DPY19L1: variants seen among roughly 807,000 people sequenced by gnomAD.
DPY19L1 encodes protein C-mannosyl-transferase DPY19L1.
DPY19L1 carries 35 observed loss-of-function variants against 96.9 expected under a neutral mutation model. The ratio of observed to expected loss-of-function variants is 0.36; its 90% CI spans 0.28 to 0.48. The LOEUF is 0.48. Ranked by LOEUF, DPY19L1 falls within the 20% of genes least tolerant of loss-of-function variation. DPY19L1 has a pLI of 0.99. For missense variants in DPY19L1, 521 were observed against 777.9 expected (o/e 0.67, Z 3.93); for synonymous variants, 205 against 252.6 (o/e 0.81, Z 1.79).
In DPY19L1 at chr7:34,961,096, T is replaced by C. The variant is rs1186929814; in HGVS notation, c.1093-3026A>G. Among the ~76,000 whole-genome samples, 5 of 152,186 alleles carry C rather than the reference T, an allele frequency of 3.3e-5. No homozygotes were observed. The South Asian group carries it at 1.0e-3, about 31-fold the overall frequency. ...TGAAGGGATGTCAGTTCTTCCCAACTTGATTCAGCACAATCCCAATAATGA... is the reference window on the plus strand; with the variant it reads ...TGAAGGGATGTCAGTTCTTCCCAACCTGATTCAGCACAATCCCAATAATGA... On this transcript the variant is annotated intron_variant, in intron 10 of 21. Transcript: ENST00000638088.
chr7:34,947,488 A>G (rs1032681166), intron 15 of DPY19L1, 142 bp downstream of exon 15: 11 of 620,876 alleles, frequency 1.8e-5, no homozygotes, highest in African/African-American at 1.2e-4. Flanking sequence ...ATCAAAAGCT[A>G]TCATTAAGAA....
intron 11 of DPY19L1, among the ~76,000 whole-genome samples, chr7:34,957,107 G>A (rs367880938): frequency 1.3e-5 from 2 of 151,574 alleles, no homozygotes; most frequent in East Asian, 3.9e-4. Flanking sequence ...TGCCAGCCGG[G>A]CATGGTGGCT....
chr7:34,978,768 A>G (rs1784879873), intron 7 of DPY19L1, among the ~76,000 whole-genome samples: 1 of 152,104 alleles, frequency 6.6e-6, no homozygotes, highest in South Asian at 2.1e-4. Context: ...GAATATTTGC[A>G]TTTTAATTAC....
rs184774198 is a variant in DPY19L1 at position 34,956,568 on chromosome 7, G to A, written c.1180-1201C>T. ...GTTGCCCATGCTGGAGTGTAGTGGC[G>A]CGATCTCAGCTCACTGCAAGCTCCG... On this transcript the variant is annotated intron_variant, in intron 11 of 21. Coordinates refer to ENST00000638088, the MANE Select transcript of DPY19L1 (RefSeq NM_001366673.1). Among the ~76,000 whole-genome samples, 158 of 151,118 alleles carry A rather than the reference G, an allele frequency of 1.0e-3. 2 individuals are homozygous for A. The East Asian group carries it at 0.025, about 24-fold the overall frequency.
At chr7:34,936,179 T>C (rs1313773551) in intron 21 of DPY19L1, among the ~76,000 whole-genome samples, 1 of 152,236 alleles carries the variant, frequency 6.6e-6, no homozygotes, top group Non-Finnish European at 1.5e-5. Flanking sequence ...GTCTGCTGAT[T>C]TTGTTTAGTG....
In DPY19L1 at chr7:34,945,681, T is replaced by C. The variant is rs761207329; in HGVS notation, c.1530A>G (p.Gln510=). 9 of 1,601,004 alleles carry C rather than the reference T, an allele frequency of 5.6e-6. No individual in the cohort carries two copies. Among genetic ancestry groups the C allele is most frequent in the South Asian group, 2.2e-5 (2 of 89,316 alleles). Residue 510 remains glutamine (Q), a synonymous_variant, in exon 16 of 22, where the codon CAA becomes CAG. Transcript: ENST00000638088. ...AGCATATTTACCTTACATGTGTCTG[T>C]TGTTTAGCTAAGACACCCCACATAT... is the stretch of plus-strand genomic sequence containing the variant. ...ISDMWGVLAK[Q]QTHVRKHQFD...
intron 1 of DPY19L1, among the ~76,000 whole-genome samples, chr7:35,036,777 C>T (rs1584269392): frequency 6.6e-6 from 1 of 152,124 alleles, no homozygotes. Flanking sequence ...CAATCAGCAG[C>T]GCTCAAGTCT....
chr7:35,020,736 T>C (rs1333314307), intron 1 of DPY19L1, among the ~76,000 whole-genome samples: 1 of 152,168 alleles, frequency 6.6e-6, no homozygotes, highest in Non-Finnish European at 1.5e-5. Flanking sequence ...TTTTGAGGAG[T>C]CTTGCTCTGT....
chr7:35,024,168 C>T (rs912524365), intron 1 of DPY19L1, among the ~76,000 whole-genome samples: 4 of 152,194 alleles, frequency 2.6e-5, no homozygotes, highest in East Asian at 1.9e-4. Context: ...AAATGATACA[C>T]ATTATCATGT....
rs752834671 is a variant in DPY19L1 at position 34,945,731 on chromosome 7, T to C, written c.1495-15A>G. 3.2e-6 allele frequency: 5 copies of C among 1,569,322 alleles called. No homozygotes were observed. In the African/African-American group the frequency reaches 4.1e-5, roughly 13 times the overall value. On this transcript the variant is annotated splice_polypyrimidine_tract_variant and intron_variant, in intron 15 of 21. Coordinates refer to ENST00000638088, the MANE Select transcript of DPY19L1 (RefSeq NM_001366673.1). ...TCACTAATAATCTGTAAATAGATTTTGAAACACTTTAGAAAAGCTGTGTTG... is the reference window on the plus strand; with the variant it reads ...TCACTAATAATCTGTAAATAGATTTCGAAACACTTTAGAAAAGCTGTGTTG...
intron 10 of DPY19L1, among the ~76,000 whole-genome samples, chr7:34,964,419 G>C (rs1377656671): frequency 1.3e-5 from 2 of 152,008 alleles, no homozygotes; most frequent in African/African-American, 4.8e-5. Context: ...TAAATAGTTT[G>C]GGGAAAAAAT....
chr7:34,954,394 G>A (rs1375079148), intron 13 of DPY19L1, among the ~76,000 whole-genome samples: 1 of 152,030 alleles, frequency 6.6e-6, no homozygotes, highest in Non-Finnish European at 1.5e-5. Context: ...CAGTTACAAA[G>A]AAGCTAGAGA....
chr7:34,953,264 C>T (rs988750140), intron 13 of DPY19L1, among the ~76,000 whole-genome samples: 2 of 152,152 alleles, frequency 1.3e-5, no homozygotes, highest in African/African-American at 4.8e-5. Context: ...AAAGTTACAA[C>T]TAAGTTATTT....
Position 34,986,162 on chromosome 7 carries a change from G to A in DPY19L1, c.822+3722C>T, listed in dbSNP as rs576731839. Among the ~76,000 whole-genome samples, 9 of 152,122 alleles carry A rather than the reference G, an allele frequency of 5.9e-5. No individual in the cohort carries two copies. The South Asian group carries it at 1.9e-3, about 32-fold the overall frequency. On this transcript the variant is annotated intron_variant, in intron 7 of 21. Coordinates refer to ENST00000638088, the MANE Select transcript of DPY19L1 (RefSeq NM_001366673.1). Reference sequence around the variant, plus strand: ...GTTACCAGAGGCTCAGGGGAGAGATGGGTAATGTGCAGATGTTGATCCACA... The same window carrying A: ...GTTACCAGAGGCTCAGGGGAGAGATAGGTAATGTGCAGATGTTGATCCACA...
rs187156378 is a variant in DPY19L1 at position 35,020,897 on chromosome 7, T to G, written c.299-2301A>C. On this transcript the variant is annotated intron_variant, in intron 1 of 21. Transcript: ENST00000638088. ...CTAATTTTTGTATTTTCAGGAGAGA[T>G]AAGGTTTGGTCATGTTGGCCAGGCT... 3.9e-5 allele frequency among the ~76,000 whole-genome samples: 6 copies of G among 152,140 alleles called. No individual in the cohort carries two copies. The East Asian group carries it at 1.2e-3, about 29-fold the overall frequency.
rs1172170794 is a variant in DPY19L1 at position 34,945,704 on chromosome 7, T to A, written c.1507A>T (p.Met503Leu). The change falls in exon 16 of 22, where the codon ATG becomes TTG. Residue 503 changes from methionine to leucine, a missense_variant. Met to Leu is a conservative substitution (Grantham distance 15). Coordinates refer to ENST00000638088, the MANE Select transcript of DPY19L1 (RefSeq NM_001366673.1). ...VAIVRKIISD[M>L]WGVLAKQQTH... is the part of the protein sequence containing the mutation. Reference sequence around the variant, plus strand: ...TGTTGTTTAGCTAAGACACCCCACATATCACTAATAATCTGTAAATAGATT... The same window carrying A: ...TGTTGTTTAGCTAAGACACCCCACAAATCACTAATAATCTGTAAATAGATT... 1 of 1,600,988 alleles carries A rather than the reference T, an allele frequency of 6.2e-7. No individual in the cohort carries two copies.
At chr7:35,031,341 T>A (rs1233511679) in intron 1 of DPY19L1, among the ~76,000 whole-genome samples, 4 of 152,230 alleles carry the variant, frequency 2.6e-5, no homozygotes, top group Admixed American at 2.6e-4. Context: ...TAGGCATGAT[T>A]TAAAGTATCC....
rs2128780906 is a variant in DPY19L1, at chr7:34,938,756, AT to A, written c.1964+519del. ...AGAAAAATTAAATTTTTAAAAAAAA[AT>A]TTGGACAACACATCTCTAAATTATT... On this transcript the variant is annotated intron_variant, in intron 20 of 21. Coordinates refer to ENST00000638088, the MANE Select transcript of DPY19L1 (RefSeq NM_001366673.1). Among the ~76,000 whole-genome samples the A allele has an allele frequency of 2.0e-5, 3 of 152,336 alleles. No individual in the cohort carries two copies. The East Asian group carries it at 5.8e-4, about 29-fold the overall frequency.
rs1276574382 is a variant in DPY19L1, at chr7:34,989,952, AG to A, written c.765-12del. 1 of 1,603,746 alleles carries A rather than the reference AG, an allele frequency of 6.2e-7. No homozygotes were observed. Among genetic ancestry groups the A allele is most frequent in the South Asian group, 1.1e-5 (1 of 88,350 alleles). On this transcript the variant is annotated splice_polypyrimidine_tract_variant and intron_variant, in intron 6 of 21. Coordinates refer to ENST00000638088, the MANE Select transcript of DPY19L1 (RefSeq NM_001366673.1). ...CCTAATCGGCTGCCACTGGAAAAGA[AG>A]AAAACATAACTCAAATAACAAAAAT... is the stretch of plus-strand genomic sequence containing the variant.
Sources: allele counts gnomAD v4.1 joint callset (sites outside exome capture counted in the v4.1 genomes callset), GRCh38; gene constraint gnomAD v4.1.1; transcripts MANE v1.5; gene names NCBI Gene and HGNC (gene_info 2026-07-23, HGNC 2026-07-21).